SSH2: variants seen among roughly 807,000 people sequenced by gnomAD.
SSH2 encodes slingshot protein phosphatase 2.
In SSH2, 37 loss-of-function variants were observed where a neutral mutation model predicts 135.2. That is an observed-to-expected ratio of 0.27 (90% CI 0.21 to 0.36). The LOEUF (loss-of-function observed/expected upper bound fraction) is 0.36, where lower values mean the gene tolerates loss of function less well. Among genes scored for constraint, SSH2 ranks in the 10% least tolerant of loss-of-function variants. SSH2 has a pLI of 1.00. For synonymous variants in SSH2, 628 were observed against 646.2 expected (o/e 0.97, Z 0.43); for missense variants, 1,408 against 1,765.3 (o/e 0.80, Z 3.63).
chr17:29,877,284 T>C (rs1399150625), intron 1 of SSH2, among the ~76,000 whole-genome samples: 1 of 152,124 alleles, frequency 6.6e-6, no homozygotes, highest in African/African-American at 2.4e-5. Flanking sequence ...GGAATGTAAA[T>C]TAATACAACC....
intron 1 of SSH2, among the ~76,000 whole-genome samples, chr17:29,868,480 G>A (rs1384524017): frequency 6.6e-6 from 1 of 152,140 alleles, no homozygotes; most frequent in African/African-American, 2.4e-5. Flanking sequence ...TCTCATGCCT[G>A]TAATCCTAGC....
intron 4 of SSH2, among the ~76,000 whole-genome samples, chr17:29,701,889 ATT>A (rs35686014): frequency 2.6e-4 from 33 of 129,090 alleles, no homozygotes; most frequent in South Asian, 2.5e-4. Context: ...CTAATTTAAA[ATT>A]TTTTTTTTTT....
Position 29,631,212 on chromosome 17 carries a change from C to T in SSH2, c.3982G>A (p.Ala1328Thr), listed in dbSNP as rs533970239. ...TCTAGGGACTCTTGGTCCTCCATCG[C>T]GTGCATGCCTGAGTCTGTTCTGAGG... is the stretch of plus-strand genomic sequence containing the variant. ...PFLRTDSGMH[A>T]MEDQESLENP... The change falls in exon 16 of 16, where the codon GCG becomes ACG. Residue 1328 changes from alanine (A) to threonine (T), a missense_variant. Ala to Thr is a moderately conservative substitution (Grantham distance 58). Transcript: ENST00000540801. 36 of 1,614,068 alleles carry T rather than the reference C, an allele frequency of 2.2e-5. No individual in the cohort carries two copies. The highest frequency in any genetic ancestry group is 2.2e-4 in the East Asian group (10 of 44,888).
intron 6 of SSH2, among the ~76,000 whole-genome samples, chr17:29,680,551 C>CAAAAAAAAAAAAAAAAAAAAA (rs1160865828): frequency 4.6e-5 from 1 of 21,520 alleles, no homozygotes. Context: ...GACTCCCTCT[C>CAAAAAAAAAAAAAAAAAAAAA]AAAAAAAAAA....
chr17:29,759,054 T>C (rs2041212184), intron 3 of SSH2, among the ~76,000 whole-genome samples: 1 of 151,882 alleles, frequency 6.6e-6, no homozygotes. Context: ...TTTTTAATTC[T>C]TTTTTATTTT....
intron 15 of SSH2, among the ~76,000 whole-genome samples, chr17:29,633,601 G>T (rs911003969): frequency 5.3e-5 from 8 of 152,170 alleles, no homozygotes; most frequent in Admixed American, 1.3e-4. Flanking sequence ...GGTTCCTTCT[G>T]GGAAAGGTTT....
chr17:29,810,334 T>C (rs2042419805), intron 2 of SSH2, among the ~76,000 whole-genome samples: 1 of 152,220 alleles, frequency 6.6e-6, no homozygotes, highest in Non-Finnish European at 1.5e-5. Context: ...AATGGGTCAA[T>C]GTTGTCAATA....
At chr17:29,713,012 T>C (rs2039495464) in intron 3 of SSH2, among the ~76,000 whole-genome samples, 1 of 152,046 alleles carries the variant, frequency 6.6e-6, no homozygotes, top group South Asian at 2.1e-4. Context: ...TATTGCTAAA[T>C]AATAGCTTAA....
At chr17:29,687,042 A>G (rs997085554) in intron 5 of SSH2, among the ~76,000 whole-genome samples, 1 of 152,186 alleles carries the variant, frequency 6.6e-6, no homozygotes, top group East Asian at 1.9e-4. Flanking sequence ...AATAACCCCT[A>G]TTCCTTAGAG....
intron 14 of SSH2, chr17:29,644,821 A>AATAG (rs2036309078): frequency 6.6e-6 from 1 of 151,928 alleles, no homozygotes; most frequent in Non-Finnish European, 1.5e-5. Context: ...TAAATAAATA[A>AATAG]ATAAATAAAT....
At chr17:29,844,852 A>G (rs1299830368) in intron 2 of SSH2, among the ~76,000 whole-genome samples, 1 of 152,230 alleles carries the variant, frequency 6.6e-6, no homozygotes, top group African/African-American at 2.4e-5. Flanking sequence ...GATCTAAGGC[A>G]GCCAGCCCTC....
At chr17:29,731,422 TTTATTTATTTA>T (rs1567925191) in intron 3 of SSH2, among the ~76,000 whole-genome samples, 13 of 2,440 alleles carry the variant, frequency 5.3e-3, no homozygotes, top group African/African-American at 0.013. Context: ...GTATTTTTTA[TTTATTTATTTA>T]TTTATTTATT....
chr17:29,679,738 C>A (rs1239901100), intron 6 of SSH2, among the ~76,000 whole-genome samples: 1 of 152,168 alleles, frequency 6.6e-6, no homozygotes, highest in African/African-American at 2.4e-5. Flanking sequence ...ACTTAACTGT[C>A]TTGTGCCTTA....
intron 2 of SSH2, among the ~76,000 whole-genome samples, chr17:29,827,876 CT>C (rs1439864016): frequency 6.6e-6 from 1 of 151,920 alleles, no homozygotes; most frequent in Non-Finnish European, 1.5e-5. Flanking sequence ...GTAATGCTAT[CT>C]AATACATTTC....
chr17:29,842,821 G>A (rs768121470), intron 2 of SSH2, among the ~76,000 whole-genome samples: 129 of 152,070 alleles, frequency 8.5e-4, no homozygotes, highest in Non-Finnish European at 1.5e-3. Context: ...TTTTTCTGAC[G>A]ATGGGCCCTA....
chr17:29,815,630 T>A (rs1252963814), intron 2 of SSH2, among the ~76,000 whole-genome samples: 1 of 152,182 alleles, frequency 6.6e-6, no homozygotes. Context: ...CTAACCAACG[T>A]TTTAAGAGAG....
chr17:29,636,833 AT>A, intron 14 of SSH2, 31 bp from the exon 15 acceptor site: 4 of 1,479,896 alleles, frequency 2.7e-6, no homozygotes, highest in Non-Finnish European at 3.7e-6. Flanking sequence ...AAGTATCTTA[AT>A]CTGGTTTGTA....
intron 2 of SSH2, among the ~76,000 whole-genome samples, chr17:29,825,623 T>C (rs1196639259): frequency 2.6e-5 from 4 of 152,228 alleles, no homozygotes; most frequent in Non-Finnish European, 5.9e-5. Context: ...GGGCTGTTAA[T>C]TTCAAGGCCT....
intron 15 of SSH2, among the ~76,000 whole-genome samples, chr17:29,633,634 C>T (rs552062311): frequency 6.6e-6 from 1 of 152,190 alleles, no homozygotes; most frequent in Non-Finnish European, 1.5e-5. Flanking sequence ...CAGCCACATG[C>T]CTTAGCAAAC....
Sources: allele counts gnomAD v4.1 joint callset (sites outside exome capture counted in the v4.1 genomes callset), GRCh38; gene constraint gnomAD v4.1.1; transcripts MANE v1.5; gene names NCBI Gene and HGNC (gene_info 2026-07-23, HGNC 2026-07-21).